The following SLC5A3 variants were observed in gnomAD, a reference collection of about 807,000 sequenced individuals.
SLC5A3 encodes sodium/myo-inositol cotransporter.
SLC5A3 carries 10 observed loss-of-function variants against 43.2 expected under a neutral mutation model. The observed-to-expected ratio is 0.23, with a 90% CI of 0.14 to 0.39. The LOEUF (loss-of-function observed/expected upper bound fraction) is 0.39, where lower values mean the gene tolerates loss of function less well. Ranked by LOEUF, SLC5A3 falls within the 10% of genes least tolerant of loss-of-function variation. SLC5A3 has a pLI of 1.00. For synonymous variants in SLC5A3, 349 were observed against 322.0 expected (o/e 1.08, Z -0.90); for missense variants, 608 against 893.4 (o/e 0.68, Z 4.07).
chr21:34,097,589 A>G lies in SLC5A3; in HGVS notation c.*234A>G, dbSNP rs780359814. 1.7e-5 allele frequency: 22 copies of G among 1,267,360 alleles called. No homozygotes were observed. Among genetic ancestry groups the G allele is most frequent in the African/African-American group, 3.1e-5 (2 of 64,806 alleles). 78.5% of individuals were successfully genotyped at this position (1,267,360 alleles called of 1,614,324 possible). On this transcript the variant is annotated 3_prime_UTR_variant, in exon 2 of 2. Transcript: ENST00000381151. Reference sequence around the variant, plus strand: ...GACTGAATTGTGCAAATGTGGTTTTAAATTTTGCATACCAAAGTAAGAAGA... The same window carrying G: ...GACTGAATTGTGCAAATGTGGTTTTGAATTTTGCATACCAAAGTAAGAAGA...
Position 34,105,798 on chromosome 21 carries a change from A to AAAAC in SLC5A3, c.*8443_*8444insAAAC, listed in dbSNP as rs1979451499. On this transcript the variant is annotated 3_prime_UTR_variant, in exon 2 of 2. Transcript: ENST00000381151. ...TATCCATCTCATTGTACAGTGTTTTAGTTGCAAGCAGAAAGTAGAATTTGG... is the reference window on the plus strand; with the variant it reads ...TATCCATCTCATTGTACAGTGTTTTAAAACGTTGCAAGCAGAAAGTAGAATTTGG... The AAAAC allele has an allele frequency of 1.0e-6, 1 of 994,946 alleles. No homozygotes were observed. Among genetic ancestry groups the AAAAC allele is most frequent in the Admixed American group, 6.1e-5 (1 of 16,272 alleles). 61.6% of individuals were successfully genotyped at this position (994,946 alleles called of 1,614,324 possible).
intron 1 of SLC5A3, among the ~76,000 whole-genome samples, chr21:34,084,967 A>G (rs550609700): frequency 3.3e-5 from 5 of 152,266 alleles, no homozygotes; most frequent in African/African-American, 1.2e-4. Flanking sequence ...ACATCTTGAC[A>G]TACCTTTCTT....
intron 1 of SLC5A3, among the ~76,000 whole-genome samples, chr21:34,075,603 A>G (rs1237683478): frequency 6.6e-6 from 1 of 152,240 alleles, no homozygotes; most frequent in African/African-American, 2.4e-5. Context: ...CTCTTGGAGA[A>G]AGAGGCCCCA....
At position 34,073,653 on chromosome 21, in the gene SLC5A3, TC is replaced by T; in HGVS notation, c.-426del. On this transcript the variant is annotated 5_prime_UTR_variant, in exon 1 of 2. Transcript: ENST00000381151. ...GTCCCCGCCGTCCCGCCCCTTCGCGTCCCGGGAACCGGCTGGCTTCCGAGCC... is the reference window on the plus strand; with the variant it reads ...GTCCCCGCCGTCCCGCCCCTTCGCGTCCGGGAACCGGCTGGCTTCCGAGCC... 6.7e-7 allele frequency: 1 copy of T among 1,499,750 alleles called. No individual in the cohort carries two copies. Among genetic ancestry groups the T allele is most frequent in the African/African-American group, 1.5e-5 (1 of 68,678 alleles). 92.9% of individuals were successfully genotyped at this position (1,499,750 alleles called of 1,614,324 possible).
At chr21:34,093,598 T>C (rs1237766539) in intron 1 of SLC5A3, among the ~76,000 whole-genome samples, 2 of 152,156 alleles carry the variant, frequency 1.3e-5, no homozygotes, top group Non-Finnish European at 2.9e-5. Flanking sequence ...AGAAAAAGCA[T>C]GGAAAAACAT....
In SLC5A3 at chr21:34,097,992, C is replaced by CTT. The variant is rs201745004; in HGVS notation, c.*647_*648dup. On this transcript the variant is annotated 3_prime_UTR_variant, in exon 2 of 2. Transcript: ENST00000381151. Reference sequence around the variant, plus strand: ...TTAGGGAAAAACTTTGTTCCAGTTCCTTTTTTTTTTTCTTTCTACTTTCAA... The same window carrying CTT: ...TTAGGGAAAAACTTTGTTCCAGTTCCTTTTTTTTTTTTTCTTTCTACTTTCAA... The CTT allele has an allele frequency of 4.5e-5, 34 of 753,170 alleles. No individual in the cohort carries two copies. The South Asian group carries it at 7.0e-4, about 15-fold the overall frequency. 46.7% of individuals were successfully genotyped at this position (753,170 alleles called of 1,614,324 possible).
chr21:34,078,319 A>G (rs1194134687), intron 1 of SLC5A3, among the ~76,000 whole-genome samples: 12 of 152,168 alleles, frequency 7.9e-5, no homozygotes. Flanking sequence ...CTTGGGTTAC[A>G]GCTTATTGCC....
At chr21:34,078,689 C>G (rs1268510996) in intron 1 of SLC5A3, among the ~76,000 whole-genome samples, 1 of 152,068 alleles carries the variant, frequency 6.6e-6, no homozygotes, top group Non-Finnish European at 1.5e-5. Flanking sequence ...TGTGTTTGTA[C>G]TACTACATGT....
intron 1 of SLC5A3, among the ~76,000 whole-genome samples, chr21:34,091,260 AG>A (rs1336398655): frequency 7.0e-3 from 1 of 142 alleles, no homozygotes; most frequent in Non-Finnish European, 0.012. Flanking sequence ...TACTCTTTGC[AG>A]GCCCCGCCCT....
Position 34,095,875 on chromosome 21 carries a change from C to G in SLC5A3, c.677C>G (p.Ser226Cys). 6.2e-7 allele frequency: 1 copy of G among 1,614,078 alleles called. No individual in the cohort carries two copies. Among genetic ancestry groups the G allele is most frequent in the Admixed American group, 1.7e-5 (1 of 60,006 alleles). Residue 226 changes from serine (S) to cysteine (C), a missense_variant, in exon 2 of 2, where the codon TCC (serine) becomes TGC (cysteine). By Grantham distance (112) the Ser-to-Cys change is moderately radical. This residue lies in a region of SLC5A3 where 398 missense variants were observed against 668.6 expected (regional missense o/e 0.60). Coordinates refer to ENST00000381151, the MANE Select transcript of SLC5A3 (RefSeq NM_006933.7). ...ATGTTGGCCTCACCCGATGTCACTT[C>G]CATCTTATTGACATACAACCTTTCC... ...RYMLASPDVT[S>C]ILLTYNLSNT...
At position 34,105,694 on chromosome 21, in the gene SLC5A3, AG is replaced by A; in HGVS notation, c.*8340del. On this transcript the variant is annotated 3_prime_UTR_variant, in exon 2 of 2. Transcript: ENST00000381151. ...ATGAACATTAATTTTGTTATTAGTG[AG>A]TTTTTTGAATTGTAAATGGATTTCC... The A allele has an allele frequency of 1.0e-6, 1 of 998,516 alleles. No homozygotes were observed. Among genetic ancestry groups the A allele is most frequent in the Non-Finnish European group, 1.2e-6 (1 of 828,534 alleles). The allele number at this position is 998,516 out of a possible 1,614,324, so 61.9% of individuals were successfully genotyped here.
intron 1 of SLC5A3, among the ~76,000 whole-genome samples, chr21:34,087,257 G>T (rs1978434989): frequency 3.5e-5 from 1 of 28,256 alleles, no homozygotes; most frequent in Non-Finnish European, 6.4e-5. Flanking sequence ...GAGGGAGGAG[G>T]CTCTTTTTCC....
intron 1 of SLC5A3, among the ~76,000 whole-genome samples, chr21:34,076,043 C>T (rs972392810): frequency 6.6e-6 from 1 of 152,160 alleles, no homozygotes; most frequent in Non-Finnish European, 1.5e-5. Flanking sequence ...TAAGTGTATA[C>T]CTCTTTACCC....
intron 1 of SLC5A3, among the ~76,000 whole-genome samples, chr21:34,077,955 A>G (rs1457299050): frequency 6.6e-6 from 1 of 152,216 alleles, no homozygotes; most frequent in Non-Finnish European, 1.5e-5. Flanking sequence ...AGTAATGCCT[A>G]TGAAGTGCCT....
In SLC5A3 at chr21:34,096,051, A is replaced by C. The variant is rs1978951525; in HGVS notation, c.853A>C (p.Arg285=). The change falls in exon 2 of 2, where the codon AGG becomes CGG. Residue 285 remains arginine (R), a synonymous_variant. Coordinates refer to ENST00000381151, the MANE Select transcript of SLC5A3 (RefSeq NM_006933.7). The surrounding 1 kb of genome is among the most constrained non-coding windows in gnomAD (Gnocchi z 5.9). ...GTGTGCTGACCAAGTCATCGTGCAG[A>C]GGGTCCTTGCAGCCAAAAACATTGC... ...YWCADQVIVQ[R]VLAAKNIAHA... 2 of 1,614,018 alleles carry C rather than the reference A, an allele frequency of 1.2e-6. No individual in the cohort carries two copies. Among genetic ancestry groups the C allele is most frequent in the African/African-American group, 2.7e-5 (2 of 74,914 alleles).
In SLC5A3 at chr21:34,101,823, G is replaced by A. The variant is rs1204691620; in HGVS notation, c.*4468G>A. 1.0e-6 allele frequency: 1 copy of A among 998,544 alleles called. No individual in the cohort carries two copies. 61.9% of individuals were successfully genotyped at this position (998,544 alleles called of 1,614,324 possible). ...GAATGATTTTCTCACACTTTGTGTT[G>A]GCTAATAATAAAAGCACTGTTTTAT... is the stretch of plus-strand genomic sequence containing the variant. On this transcript the variant is annotated 3_prime_UTR_variant, in exon 2 of 2. Transcript: ENST00000381151.
chr21:34,087,358 G>A (rs1042948393), intron 1 of SLC5A3, among the ~76,000 whole-genome samples: 7 of 152,152 alleles, frequency 4.6e-5, no homozygotes, highest in African/African-American at 1.4e-4. Context: ...TCTTGATGGC[G>A]AAGAACTTAG....
In SLC5A3 at chr21:34,104,697, G is replaced by C. The variant is rs1001701254; in HGVS notation, c.*7342G>C. The C allele has an allele frequency of 1.0e-6, 1 of 1,000,264 alleles. No homozygotes were observed. Among genetic ancestry groups the C allele is most frequent in the East Asian group, 1.1e-4 (1 of 8,826 alleles). 62.0% of individuals were successfully genotyped at this position (1,000,264 alleles called of 1,614,324 possible). A position where few individuals can be genotyped will look rare whatever the true frequency, so the allele number is the denominator to read the frequency against. ...GAGAATATCAAACCTCAGGCCTGGG[G>C]GGATGAGGGGAAGAAGATTACCAGA... On this transcript the variant is annotated 3_prime_UTR_variant, in exon 2 of 2. Transcript: ENST00000381151.
chr21:34,077,862 A>C (rs2148651717), intron 1 of SLC5A3, among the ~76,000 whole-genome samples: 1 of 152,312 alleles, frequency 6.6e-6, no homozygotes, highest in Admixed American at 6.5e-5. Flanking sequence ...GTTTTTCTCT[A>C]AATGCAAGCC....
Sources: allele counts gnomAD v4.1 joint callset (sites outside exome capture counted in the v4.1 genomes callset), GRCh38; gene constraint gnomAD v4.1.1; regional missense constraint gnomAD v4.1.1; non-coding constraint Gnocchi (gnomAD v3.1); transcripts MANE v1.5; gene names NCBI Gene and HGNC (gene_info 2026-07-23, HGNC 2026-07-21).